PCDHGA8: variants seen among roughly 807,000 people sequenced by gnomAD.
PCDHGA8 encodes the protein protocadherin gamma subfamily A, 8.
PCDHGA8 carries 45 observed loss-of-function variants against 59.2 expected under a neutral mutation model. That is an observed-to-expected ratio of 0.76 (90% CI 0.60 to 0.98). The LOEUF (loss-of-function observed/expected upper bound fraction) is 0.98. PCDHGA8 is among the 50% of genes least tolerant of loss of function. The pLI is 0.00. For missense variants in PCDHGA8, 1,257 were observed against 1,196.2 expected (o/e 1.05, Z -0.75); for synonymous variants, 531 against 519.0 (o/e 1.02, Z -0.32).
At chr5:141,478,720 G>T (rs2154576937) in intron 1 of PCDHGA8, 1 of 1,543,694 alleles carries the variant, frequency 6.5e-7, no homozygotes, top group Admixed American at 2.0e-5. Context: ...ATGGTGGCCT[G>T]CCAGAGTGTG....
chr5:141,476,049 C>T lies in PCDHGA8; in HGVS notation c.2425-18758C>T. 2.0e-6 allele frequency: 3 copies of T among 1,501,848 alleles called. No homozygotes were observed. The South Asian group carries it at 4.0e-5, about 20-fold the overall frequency. 93.0% of individuals were successfully genotyped at this position (1,501,848 alleles called of 1,614,324 possible). ...CGCCCAGCGCCCAAGCGCTAACCCG[C>T]TGAAAGTTTCTCAGCGAAATCTCAG... On this transcript the variant is annotated intron_variant, in intron 1 of 3. Coordinates refer to ENST00000398604, the MANE Select transcript of PCDHGA8 (RefSeq NM_032088.2). This position sits in a 1 kb window ranked among gnomAD's most constrained non-coding sequence, Gnocchi z 7.6.
At position 141,395,016 on chromosome 5, in the gene PCDHGA8, G is replaced by C. The variant is rs772379480; in HGVS notation, c.2203G>C (p.Val735Leu). The C allele has an allele frequency of 4.3e-6, 7 of 1,613,950 alleles. No homozygotes were observed. In the Admixed American group the frequency reaches 5.0e-5, roughly 12 times the overall value. The part of the protein sequence containing the change: ...LQDSGGRLVG[V>L]PASHFVGVEE... ...GGATTCCGGTGGCAGATTGGTAGGCGTGCCTGCCTCACATTTTGTGGGTGT... is the reference window on the plus strand; with the variant it reads ...GGATTCCGGTGGCAGATTGGTAGGCCTGCCTGCCTCACATTTTGTGGGTGT... The change falls in exon 1 of 4, where the codon GTG (valine) becomes CTG (leucine). Residue 735 changes from valine to leucine, a missense_variant. By Grantham distance (32) the Val-to-Leu change is conservative. Coordinates refer to ENST00000398604, the MANE Select transcript of PCDHGA8 (RefSeq NM_032088.2).
rs376621545 is a variant in PCDHGA8, at chr5:141,422,143, G to A, written c.2424+26906G>A. The stretch of plus-strand genomic sequence containing the variant: ...ACAAACTGGAGAAGTTCAAGTACGG[G>A]GGTCTCTGGATTTTGAAAAATATAG... On this transcript the variant is annotated intron_variant, in intron 1 of 3. Transcript: ENST00000398604. 36 of 1,583,638 alleles carry A rather than the reference G, an allele frequency of 2.3e-5. No individual in the cohort carries two copies. The African/African-American group carries it at 3.8e-4, about 17-fold the overall frequency.
chr5:141,448,915 A>T (rs2098616551), intron 1 of PCDHGA8, among the ~76,000 whole-genome samples: 1 of 152,238 alleles, frequency 6.6e-6, no homozygotes. Context: ...ACTGCACTCC[A>T]GCCTGGGCGA....
intron 3 of PCDHGA8, chr5:141,507,335 T>A (rs1228652205): frequency 6.6e-6 from 1 of 151,804 alleles, no homozygotes; most frequent in Non-Finnish European, 1.5e-5. Context: ...TGCTCATTGT[T>A]TACCTGAAAT....
At chr5:141,494,889 A>G (rs2099757275) in intron 2 of PCDHGA8, 24 bp downstream of exon 2, 1 of 1,613,844 alleles carries the variant, frequency 6.2e-7, no homozygotes, top group Admixed American at 1.7e-5. Context: ...TCTCCAGCCC[A>G]CCCTCTTCTC....
intron 1 of PCDHGA8, among the ~76,000 whole-genome samples, chr5:141,405,902 G>A (rs777584362): frequency 2.6e-5 from 4 of 152,084 alleles, no homozygotes; most frequent in Non-Finnish European, 4.4e-5. Flanking sequence ...CTGAAAGGAG[G>A]CATTTATTAG....
At chr5:141,461,302 T>A (rs1009664719) in intron 1 of PCDHGA8, among the ~76,000 whole-genome samples, 3 of 152,142 alleles carry the variant, frequency 2.0e-5, no homozygotes. Flanking sequence ...CAACATCTAT[T>A]GTTTTTTGAC....
intron 1 of PCDHGA8, among the ~76,000 whole-genome samples, chr5:141,460,963 G>A (rs760674165): frequency 3.0e-4 from 27 of 89,804 alleles, no homozygotes; most frequent in Admixed American, 4.3e-4. Context: ...ATATATATAT[G>A]TGTGTGTGTG....
chr5:141,486,091 G>A lies in PCDHGA8; in HGVS notation c.2425-8716G>A, dbSNP rs2099624256. On this transcript the variant is annotated intron_variant, in intron 1 of 3. Coordinates refer to ENST00000398604, the MANE Select transcript of PCDHGA8 (RefSeq NM_032088.2). This position sits in a 1 kb window ranked among gnomAD's most constrained non-coding sequence, Gnocchi z 5.0. ...CTACTGGAAAGCTTACTCTTTTGGGGCCCCTAGACTTTGAGAGTGAGAATT... is the reference window on the plus strand; with the variant it reads ...CTACTGGAAAGCTTACTCTTTTGGGACCCCTAGACTTTGAGAGTGAGAATT... 2 of 1,614,158 alleles carry A rather than the reference G, an allele frequency of 1.2e-6. No homozygotes were observed. Among genetic ancestry groups the A allele is most frequent in the Non-Finnish European group, 1.7e-6 (2 of 1,180,024 alleles).
chr5:141,440,878 C>A (rs1359689557), intron 1 of PCDHGA8: 1 of 152,146 alleles, frequency 6.6e-6, no homozygotes, highest in Non-Finnish European at 1.5e-5. Context: ...TGTACAGCGT[C>A]GGCCTTCAGG....
intron 1 of PCDHGA8, among the ~76,000 whole-genome samples, chr5:141,464,630 T>C (rs981288560): frequency 1.3e-5 from 2 of 152,176 alleles, no homozygotes; most frequent in African/African-American, 4.8e-5. Context: ...AGCTTTTTAA[T>C]TGTTGCCAAC....
In PCDHGA8 at chr5:141,476,978, C is replaced by G; in HGVS notation, c.2425-17829C>G. 1.2e-6 allele frequency: 2 copies of G among 1,614,256 alleles called. No individual in the cohort carries two copies. Among genetic ancestry groups the G allele is most frequent in the Non-Finnish European group, 1.7e-6 (2 of 1,180,058 alleles). Reference sequence around the variant, plus strand: ...TATTTACTCCTTCGGCAGCCACAACCGCGCCGGCGTGCGGCAACTATTCGC... The same window carrying G: ...TATTTACTCCTTCGGCAGCCACAACGGCGCCGGCGTGCGGCAACTATTCGC... On this transcript the variant is annotated intron_variant, in intron 1 of 3. Transcript: ENST00000398604. This position sits in a 1 kb window ranked among gnomAD's most constrained non-coding sequence, Gnocchi z 7.6.
rs752680691 is a variant in PCDHGA8, at chr5:141,433,173, G to A, written c.2424+37936G>A. Reference sequence around the variant, plus strand: ...TCGGTATTTTCTAAAGACAGTCATGGGTTAATTGAGGTGAGTTTATATCAA... The same window carrying A: ...TCGGTATTTTCTAAAGACAGTCATGAGTTAATTGAGGTGAGTTTATATCAA... On this transcript the variant is annotated intron_variant, in intron 1 of 3. Coordinates refer to ENST00000398604, the MANE Select transcript of PCDHGA8 (RefSeq NM_032088.2). 3.1e-6 allele frequency: 5 copies of A among 1,610,344 alleles called. 1 individual carries two copies. In the Middle Eastern group the frequency reaches 5.0e-4, roughly 160 times the overall value.
chr5:141,396,570 C>T (rs996384369), intron 1 of PCDHGA8: 5 of 150,662 alleles, frequency 3.3e-5, no homozygotes, highest in African/African-American at 1.2e-4. Flanking sequence ...CAGTGAGCCT[C>T]GATCCTGTCA....
At chr5:141,423,160 G>A (rs1272708122) in intron 1 of PCDHGA8, 16 of 1,613,046 alleles carry the variant, frequency 9.9e-6, no homozygotes, top group Non-Finnish European at 1.2e-5. Flanking sequence ...GAGCCTCGTG[G>A]TGGCCGTCCA....
intron 1 of PCDHGA8, chr5:141,419,610 C>G: frequency 1.9e-6 from 3 of 1,612,130 alleles, no homozygotes; most frequent in Middle Eastern, 1.8e-4. Flanking sequence ...GCCGCGCAGC[C>G]AGGCTACCTG....
At position 141,491,546 on chromosome 5, in the gene PCDHGA8, C is replaced by T; in HGVS notation, c.2425-3261C>T. ...GAGGTGACGCTGCGGCCCACAGACT[C>T]GCAGAGCCACTGCTACAGGACGTGC... On this transcript the variant is annotated intron_variant, in intron 1 of 3. Transcript: ENST00000398604. This position sits in a 1 kb window ranked among gnomAD's most constrained non-coding sequence, Gnocchi z 6.9. 1.9e-6 allele frequency: 3 copies of T among 1,614,038 alleles called. No homozygotes were observed. Among genetic ancestry groups the T allele is most frequent in the Non-Finnish European group, 2.5e-6 (3 of 1,180,024 alleles).
At chr5:141,453,909 T>C (rs1484310834) in intron 1 of PCDHGA8, among the ~76,000 whole-genome samples, 1 of 152,236 alleles carries the variant, frequency 6.6e-6, no homozygotes, top group Non-Finnish European at 1.5e-5. Flanking sequence ...TTTCAAAGTA[T>C]GTCAGTGATC....
Sources: gnomAD v4.1 joint callset for allele counts (sites outside exome capture counted in the v4.1 genomes callset) on GRCh38, gnomAD v4.1.1 for gene constraint, Gnocchi (gnomAD v3.1) non-coding constraint, MANE v1.5 for transcripts, NCBI Gene and HGNC (gene_info 2026-07-23, HGNC 2026-07-21) for gene names.